FHOD3: variants seen among roughly 807,000 people sequenced by gnomAD.
The protein encoded by FHOD3 is FH1/FH2 domain-containing protein 3.
A neutral mutation model predicts 173.0 loss-of-function variants in FHOD3; 90 were observed. The ratio of observed to expected loss-of-function variants is 0.52; its 90% confidence interval spans 0.44 to 0.62. The LOEUF (loss-of-function observed/expected upper bound fraction) is 0.62. FHOD3 is among the 20% of genes least tolerant of loss of function. The probability of loss-of-function intolerance (pLI) is 0.00; values close to 1 mark genes in which losing one functional copy is unlikely to be tolerated. For synonymous variants in FHOD3, 828 were observed against 823.0 expected, an observed-to-expected ratio of 1.01 and a Z score of -0.10; for missense variants, 1,945 against 2,034.7, an observed-to-expected ratio of 0.96 and a Z score of 0.85.
intron 17 of FHOD3, among the ~76,000 whole-genome samples, chr18:36,702,891 C>T (rs1285211716): frequency 6.6e-6 from 1 of 152,096 alleles, no homozygotes; most frequent in Non-Finnish European, 1.5e-5. Flanking sequence ...GCTTAAGTCA[C>T]CCACCACACA....
intron 20 of FHOD3, among the ~76,000 whole-genome samples, chr18:36,739,267 G>T (rs116547094): frequency 6.6e-6 from 1 of 151,978 alleles, no homozygotes; most frequent in Non-Finnish European, 1.5e-5. Context: ...GCATATAATT[G>T]AAAATAGATT....
At chr18:36,701,355 A>G (rs2039578807) in intron 17 of FHOD3, among the ~76,000 whole-genome samples, 1 of 152,114 alleles carries the variant, frequency 6.6e-6, no homozygotes, top group African/African-American at 2.4e-5. Flanking sequence ...TGAGGATCTG[A>G]CTCTAATAGA....
chr18:36,448,290 A>T (rs2051615785), intron 3 of FHOD3, among the ~76,000 whole-genome samples: 1 of 152,204 alleles, frequency 6.6e-6, no homozygotes. Context: ...GTGTAGGTTC[A>T]TAAAGGGTAG....
intron 4 of FHOD3, among the ~76,000 whole-genome samples, chr18:36,509,031 A>G (rs1416878895): frequency 6.6e-6 from 1 of 152,224 alleles, no homozygotes; most frequent in African/African-American, 2.4e-5. Context: ...GCAATAAACT[A>G]TTTATAAATG....
At chr18:36,633,887 A>G (rs994784630) in intron 10 of FHOD3, among the ~76,000 whole-genome samples, 18 of 152,198 alleles carry the variant, frequency 1.2e-4, no homozygotes, top group Admixed American at 1.2e-3. Flanking sequence ...TTTCTCATAA[A>G]TGGGCACTGA....
At chr18:36,322,896 A>T (rs1445422595) in intron 1 of FHOD3, among the ~76,000 whole-genome samples, 2 of 152,164 alleles carry the variant, frequency 1.3e-5, no homozygotes, top group African/African-American at 4.8e-5. Flanking sequence ...CTGTCTGTTG[A>T]GTGCCAGGAG....
chr18:36,511,113 T>TTTCA lies in FHOD3; in HGVS notation c.406-1322_406-1319dup, dbSNP rs1305733978. On this transcript the variant is annotated intron_variant, in intron 4 of 28. Transcript: ENST00000590592. Reference sequence around the variant, plus strand: ...GCTGACTTTTCCTATAATAATAACCTTTCATTATTCCATTGAGCTTTCTAC... The same window carrying TTTCA: ...GCTGACTTTTCCTATAATAATAACCTTTCATTCATTATTCCATTGAGCTTTCTAC... Among the ~76,000 whole-genome samples, 8 of 152,232 alleles carry TTTCA rather than the reference T, an allele frequency of 5.3e-5. No individual in the cohort carries two copies. In the East Asian group the frequency reaches 1.5e-3, roughly 29 times the overall value.
chr18:36,418,827 A>G (rs2049819692), intron 3 of FHOD3, among the ~76,000 whole-genome samples: 1 of 152,036 alleles, frequency 6.6e-6, no homozygotes, highest in African/African-American at 2.4e-5. Context: ...AGGTGGGAGG[A>G]TTCTTGAGCC....
Position 36,684,238 on chromosome 18 carries a change from A to T in FHOD3, c.1970+2668A>T, listed in dbSNP as rs528220454. ...CCTGCTAATACAAAATAAAACAAAA[A>T]TCAAGATTCTTTGTAGAATTTAAAT... On this transcript the variant is annotated intron_variant, in intron 15 of 28. Coordinates refer to ENST00000590592, the MANE Select transcript of FHOD3 (RefSeq NM_001281740.3). Among the ~76,000 whole-genome samples, 3 of 152,342 alleles carry T rather than the reference A, an allele frequency of 2.0e-5. No individual in the cohort carries two copies. In the South Asian group the frequency reaches 6.2e-4, roughly 32 times the overall value.
chr18:36,526,819 C>T (rs1263030091), intron 5 of FHOD3, among the ~76,000 whole-genome samples: 3 of 152,170 alleles, frequency 2.0e-5, no homozygotes, highest in African/African-American at 7.2e-5. Context: ...AAGCAAACAG[C>T]AGCACAAAAG....
At chr18:36,414,357 C>T (rs1162879533) in intron 3 of FHOD3, among the ~76,000 whole-genome samples, 2 of 152,318 alleles carry the variant, frequency 1.3e-5, no homozygotes, top group South Asian at 2.1e-4. Flanking sequence ...TCCTACTGAC[C>T]TCAGATGTCC....
intron 19 of FHOD3, among the ~76,000 whole-genome samples, chr18:36,721,462 G>A (rs1409399423): frequency 6.6e-6 from 1 of 152,138 alleles, no homozygotes; most frequent in Non-Finnish European, 1.5e-5. Context: ...ACAACATGGT[G>A]AAACCCCATC....
intron 2 of FHOD3, among the ~76,000 whole-genome samples, chr18:36,358,999 C>T (rs1360396131): frequency 6.6e-6 from 1 of 152,168 alleles, no homozygotes; most frequent in Non-Finnish European, 1.5e-5. Flanking sequence ...TTTAGGTTCT[C>T]TCCTAGATGT....
At chr18:36,630,988 A>C (rs1306059879) in intron 10 of FHOD3, among the ~76,000 whole-genome samples, 2 of 152,216 alleles carry the variant, frequency 1.3e-5, no homozygotes, top group African/African-American at 4.8e-5. Flanking sequence ...CTACAGACAT[A>C]CTTGACCCTT....
Position 36,390,831 on chromosome 18 carries a change from C to T in FHOD3, c.337+18087C>T, listed in dbSNP as rs73949463. On this transcript the variant is annotated intron_variant, in intron 3 of 28. Transcript: ENST00000590592. ...AAGGGGAAGTAGGAAGTTATTAAAC[C>T]GTCAGACTCTTGGGGGTGGGGAGAA... 3.3e-3 allele frequency among the ~76,000 whole-genome samples: 495 copies of T among 152,224 alleles called. 3 individuals are homozygous for T. Among genetic ancestry groups the T allele is most frequent in the African/African-American group, 0.011 (465 of 41,528 alleles).
At position 36,427,286 on chromosome 18, in the gene FHOD3, TAAA is replaced by T. The variant is rs35854743; in HGVS notation, c.337+54567_337+54569del. Among the ~76,000 whole-genome samples, 177 of 79,484 alleles carry T rather than the reference TAAA, an allele frequency of 2.2e-3. 1 individual carries two copies. The highest frequency in any genetic ancestry group is 7.3e-3 in the African/African-American group (161 of 21,948). 52.1% of individuals were successfully genotyped at this position (79,484 alleles called of 152,430 possible). A position where few individuals can be genotyped will look rare whatever the true frequency, so the allele number is the denominator to read the frequency against. ...AAAACTAGAACTGATCTTGCTTCTC[TAAA>T]AAAAAAAAAAAAAAAAAAAAAAAAT... is the stretch of plus-strand genomic sequence containing the variant. On this transcript the variant is annotated intron_variant, in intron 3 of 28. Coordinates refer to ENST00000590592, the MANE Select transcript of FHOD3 (RefSeq NM_001281740.3).
chr18:36,778,049 G>A (rs545007361), intron 28 of FHOD3: 2 of 152,384 alleles, frequency 1.3e-5, no homozygotes, highest in South Asian at 4.1e-4. Flanking sequence ...CCTGTTCCAA[G>A]TGCTGATTCC....
At chr18:36,723,035 G>A (rs1568674815) in intron 19 of FHOD3, among the ~76,000 whole-genome samples, 1 of 152,180 alleles carries the variant, frequency 6.6e-6, no homozygotes, top group Non-Finnish European at 1.5e-5. Context: ...TCTGGTGTGT[G>A]CCTGCTGGTC....
chr18:36,491,117 A>T (rs949581189), intron 3 of FHOD3, among the ~76,000 whole-genome samples: 1 of 152,172 alleles, frequency 6.6e-6, no homozygotes, highest in Non-Finnish European at 1.5e-5. Context: ...GCGATGATTC[A>T]TGGCAGAAAA....
Sources: allele counts gnomAD v4.1 joint callset (sites outside exome capture counted in the v4.1 genomes callset), GRCh38; gene constraint gnomAD v4.1.1; transcripts MANE v1.5; gene names NCBI Gene and HGNC (gene_info 2026-07-23, HGNC 2026-07-21).